TFDP2: variants seen among roughly 807,000 people sequenced by gnomAD.
The protein encoded by TFDP2 is transcription factor Dp-2 (E2F dimerization partner 2).
TFDP2 carries 17 observed loss-of-function variants against 59.3 expected under a neutral mutation model. That is an observed-to-expected ratio of 0.29 (90% CI 0.20 to 0.43). The LOEUF (loss-of-function observed/expected upper bound fraction) is 0.43. Ranked by LOEUF, TFDP2 falls within the 20% of genes least tolerant of loss-of-function variation. The pLI is 1.00. For missense variants in TFDP2, 391 were observed against 528.8 expected, an observed-to-expected ratio of 0.74 and a Z score of 2.56; for synonymous variants, 180 against 194.7, an observed-to-expected ratio of 0.92 and a Z score of 0.63.
chr3:142,044,098 T>C (rs1022686952), intron 3 of TFDP2: 5 of 642,080 alleles, frequency 7.8e-6, no homozygotes, highest in South Asian at 3.0e-5. Context: ...GGAGTTGGCA[T>C]TGGCAATTTC....
intron 3 of TFDP2, among the ~76,000 whole-genome samples, chr3:142,085,758 A>T (rs1000629522): frequency 6.6e-6 from 1 of 152,178 alleles, no homozygotes; most frequent in Non-Finnish European, 1.5e-5. Flanking sequence ...ATTGCTAATA[A>T]CCTCAGGAAG....
At chr3:142,107,337 T>C (rs562775870) in intron 1 of TFDP2, among the ~76,000 whole-genome samples, 267 of 151,732 alleles carry the variant, frequency 1.8e-3, no homozygotes, top group African/African-American at 6.2e-3. Flanking sequence ...ATTCAAGCAA[T>C]CCTCCTGCCT....
At chr3:142,038,469 A>G (rs1946802978) in intron 3 of TFDP2, among the ~76,000 whole-genome samples, 1 of 151,938 alleles carries the variant, frequency 6.6e-6, no homozygotes, top group African/African-American at 2.4e-5. Flanking sequence ...AGAAGTGGAT[A>G]TAAAATAAAG....
chr3:142,133,488 G>A (rs1452633102), intron 1 of TFDP2, among the ~76,000 whole-genome samples: 1 of 149,978 alleles, frequency 6.7e-6, no homozygotes. Flanking sequence ...TTATAGGCAT[G>A]AGCCACTGCA....
intron 3 of TFDP2, among the ~76,000 whole-genome samples, chr3:142,076,029 G>A (rs569835815): frequency 1.4e-4 from 21 of 151,762 alleles, no homozygotes; most frequent in Non-Finnish European, 2.9e-4. Flanking sequence ...TGGCCAACAT[G>A]GTGAAACCCT....
chr3:141,968,435 T>TCAC (rs1193895413), intron 9 of TFDP2, among the ~76,000 whole-genome samples: 1 of 87,212 alleles, frequency 1.1e-5, no homozygotes, highest in African/African-American at 5.1e-5. Flanking sequence ...CATATATAGA[T>TCAC]ATATATAACA....
At chr3:142,028,594 A>G (rs1946266310) in intron 3 of TFDP2, 59 of 985,302 alleles carry the variant, frequency 6.0e-5, no homozygotes, top group Non-Finnish European at 7.1e-5. Context: ...CTAAGGAAGC[A>G]TGCCTCTCAC....
At chr3:142,118,187 C>T (rs923462401) in intron 1 of TFDP2, among the ~76,000 whole-genome samples, 110 of 152,158 alleles carry the variant, frequency 7.2e-4, no homozygotes, top group African/African-American at 2.6e-3. Flanking sequence ...TCTTCCTCTC[C>T]CCCTTTTCTT....
intron 3 of TFDP2, among the ~76,000 whole-genome samples, chr3:142,019,460 G>T (rs1945420756): frequency 6.6e-6 from 1 of 152,194 alleles, no homozygotes; most frequent in South Asian, 2.1e-4. Context: ...ATATAAAAAT[G>T]AAGGAAGTGA....
intron 3 of TFDP2, 128 bp from the exon 4 acceptor site, chr3:142,005,672 G>A: frequency 3.4e-6 from 2 of 584,406 alleles, no homozygotes; most frequent in South Asian, 5.4e-5. Flanking sequence ...AGCATATTAT[G>A]AACAAAATAC....
chr3:142,136,712 T>G (rs1453828451), intron 1 of TFDP2, among the ~76,000 whole-genome samples: 1 of 151,982 alleles, frequency 6.6e-6, no homozygotes, highest in Non-Finnish European at 1.5e-5. Context: ...GTCAGGTTTG[T>G]CAAAGATCAG....
chr3:142,033,706 A>T (rs1265017146), intron 3 of TFDP2, among the ~76,000 whole-genome samples: 1 of 152,222 alleles, frequency 6.6e-6, no homozygotes, highest in East Asian at 1.9e-4. Context: ...CAGCATGAGC[A>T]TTAGAGTCAG....
At chr3:142,138,562 C>T (rs991990831) in intron 1 of TFDP2, among the ~76,000 whole-genome samples, 2 of 152,130 alleles carry the variant, frequency 1.3e-5, no homozygotes, top group African/African-American at 4.8e-5. Flanking sequence ...GATTCTGGTA[C>T]ATTGTGTCTT....
At chr3:141,987,268 TG>T (rs869040508) in intron 6 of TFDP2, among the ~76,000 whole-genome samples, 2 of 52,132 alleles carry the variant, frequency 3.8e-5, no homozygotes, top group African/African-American at 3.0e-4. Flanking sequence ...GTCAGATTTG[TG>T]TGTGTGTGTG....
At chr3:142,066,756 T>C (rs918944721) in intron 3 of TFDP2, among the ~76,000 whole-genome samples, 2 of 152,232 alleles carry the variant, frequency 1.3e-5, no homozygotes, top group East Asian at 1.9e-4. Flanking sequence ...CTAAAAATAA[T>C]ACAAAACAGG....
chr3:142,099,644 G>A, intron 2 of TFDP2, among the ~76,000 whole-genome samples: 1 of 151,054 alleles, frequency 6.6e-6, no homozygotes, highest in East Asian at 1.9e-4. Context: ...AGGTTGCAGT[G>A]AGCTGAGATT....
chr3:141,973,124 T>TATATATATATATATATA (rs1553761667), intron 8 of TFDP2, among the ~76,000 whole-genome samples: 3 of 55,340 alleles, frequency 5.4e-5, no homozygotes, highest in African/African-American at 1.4e-4. Flanking sequence ...TATATATATA[T>TATATATATATATATATA]TTTTTTTTTT....
At chr3:141,990,536 T>C (rs1942648767) in intron 6 of TFDP2, among the ~76,000 whole-genome samples, 1 of 152,132 alleles carries the variant, frequency 6.6e-6, no homozygotes, top group Non-Finnish European at 1.5e-5. Context: ...GCCCAGTCTG[T>C]GGTTTTATTT....
intron 9 of TFDP2, 80 bp downstream of exon 9, chr3:141,969,993 A>T (rs1392039074): frequency 7.2e-7 from 1 of 1,396,376 alleles, no homozygotes; most frequent in Non-Finnish European, 1.0e-6. Flanking sequence ...CAGAGGCACC[A>T]CAATTAGAAA....
Sources: gnomAD v4.1 joint callset for allele counts (sites outside exome capture counted in the v4.1 genomes callset) on GRCh38, gnomAD v4.1.1 for gene constraint, MANE v1.5 for transcripts, NCBI Gene and HGNC (gene_info 2026-07-23, HGNC 2026-07-21) for gene names.